Variants in ZNF366 observed in about 807,000 individuals in gnomAD.
ZNF366 encodes the protein zinc finger protein 366, also known as dendritic cell-specific transcript protein.
A neutral mutation model predicts 47.2 loss-of-function variants in ZNF366; 20 were observed. That is an observed-to-expected ratio of 0.42 (90% confidence interval 0.30 to 0.62). The LOEUF (loss-of-function observed/expected upper bound fraction) is 0.62. Ranked by LOEUF, ZNF366 falls within the 20% of genes least tolerant of loss-of-function variation. The pLI, the probability that ZNF366 is intolerant of heterozygous loss-of-function variation, is 0.16. For missense variants in ZNF366, 987 were observed against 976.3 expected (o/e 1.01, Z -0.15); for synonymous variants, 421 against 395.1 (o/e 1.07, Z -0.78).
intron 1 of ZNF366, among the ~76,000 whole-genome samples, chr5:72,498,177 A>G (rs1744148594): frequency 1.3e-5 from 2 of 152,188 alleles, no homozygotes; most frequent in Admixed American, 1.3e-4. Context: ...AAGACTTTTT[A>G]AAGCAAAATT....
chr5:72,485,387 G>A (rs959150179), intron 1 of ZNF366, among the ~76,000 whole-genome samples: 5 of 152,170 alleles, frequency 3.3e-5, no homozygotes, highest in African/African-American at 9.7e-5. Flanking sequence ...CTCTAGCTGT[G>A]TCCCTTCCTT....
chr5:72,457,713 A>G (rs1170040411), intron 2 of ZNF366, among the ~76,000 whole-genome samples: 1 of 152,210 alleles, frequency 6.6e-6, no homozygotes, highest in African/African-American at 2.4e-5. Context: ...GTAAAACCTT[A>G]GATGAGTCGT....
intron 3 of ZNF366, among the ~76,000 whole-genome samples, chr5:72,448,320 A>C (rs183574780): frequency 1.1e-3 from 167 of 152,306 alleles, no homozygotes; most frequent in African/African-American, 3.8e-3. Context: ...TATTTCAATC[A>C]AAGTGCAAAT....
intron 1 of ZNF366, among the ~76,000 whole-genome samples, chr5:72,483,827 G>A (rs1743834790): frequency 6.6e-6 from 1 of 152,146 alleles, no homozygotes; most frequent in Admixed American, 6.5e-5. Flanking sequence ...TAAGAATCAT[G>A]TGCTCCTGGC....
chr5:72,459,400 C>T (rs867435237), intron 2 of ZNF366, among the ~76,000 whole-genome samples: 49 of 152,170 alleles, frequency 3.2e-4, no homozygotes, highest in African/African-American at 1.2e-3. Flanking sequence ...GGTAAGATTT[C>T]AGGAACACCA....
At chr5:72,452,845 G>C (rs1207525880) in intron 3 of ZNF366, among the ~76,000 whole-genome samples, 1 of 152,180 alleles carries the variant, frequency 6.6e-6, no homozygotes, top group Non-Finnish European at 1.5e-5. Flanking sequence ...CCACTACAAG[G>C]ATAGGCTCCA....
chr5:72,468,717 A>T (rs1289308971), intron 1 of ZNF366, among the ~76,000 whole-genome samples: 1 of 152,210 alleles, frequency 6.6e-6, no homozygotes, highest in Non-Finnish European at 1.5e-5. Flanking sequence ...TAAGTGCTGA[A>T]TACCTAGGCC....
intron 1 of ZNF366, among the ~76,000 whole-genome samples, chr5:72,501,853 T>A (rs1370692699): frequency 6.6e-6 from 1 of 152,322 alleles, no homozygotes; most frequent in East Asian, 1.9e-4. Flanking sequence ...ATCTATCTGA[T>A]AAATGTTAAT....
At chr5:72,489,997 A>C (rs1743972964) in intron 1 of ZNF366, among the ~76,000 whole-genome samples, 1 of 152,242 alleles carries the variant, frequency 6.6e-6, no homozygotes, top group African/African-American at 2.4e-5. Flanking sequence ...AGGGAGCTGC[A>C]GTCCTTGATC....
At chr5:72,463,692 C>T (rs13164111) in intron 1 of ZNF366, among the ~76,000 whole-genome samples, 25,930 of 152,128 alleles carry the variant, frequency 0.17, 2,427 homozygotes, top group East Asian at 0.41. Flanking sequence ...AAATGAGAGT[C>T]GTGCTGCGCT....
At chr5:72,479,542 C>T (rs1743744738) in intron 1 of ZNF366, among the ~76,000 whole-genome samples, 2 of 151,614 alleles carry the variant, frequency 1.3e-5, no homozygotes, top group African/African-American at 4.9e-5. Flanking sequence ...TGTTATTGAA[C>T]ATCTAAAAGC....
chr5:72,484,041 C>A (rs951425665), intron 1 of ZNF366, among the ~76,000 whole-genome samples: 1 of 152,206 alleles, frequency 6.6e-6, no homozygotes, highest in African/African-American at 2.4e-5. Context: ...ATACCTCACT[C>A]ACTTTCCCCA....
chr5:72,507,202 A>G (rs779214604), intron 1 of ZNF366, 49 bp downstream of exon 1: 33 of 985,176 alleles, frequency 3.3e-5, no homozygotes, highest in Non-Finnish European at 4.0e-5. Flanking sequence ...AGCAGTATCC[A>G]CCCAGGAACC....
intron 1 of ZNF366, among the ~76,000 whole-genome samples, chr5:72,471,049 C>T (rs572278718): frequency 2.6e-5 from 4 of 152,324 alleles, no homozygotes; most frequent in African/African-American, 9.6e-5. Flanking sequence ...GAGTAAAACA[C>T]ACCCACATTC....
At chr5:72,495,558 T>C (rs1744096120) in intron 1 of ZNF366, among the ~76,000 whole-genome samples, 1 of 152,124 alleles carries the variant, frequency 6.6e-6, no homozygotes, top group African/African-American at 2.4e-5. Flanking sequence ...CAAGAGAACA[T>C]GGTCCCAATA....
At chr5:72,502,564 A>G (rs1744229677) in intron 1 of ZNF366, among the ~76,000 whole-genome samples, 1 of 152,222 alleles carries the variant, frequency 6.6e-6, no homozygotes, top group Non-Finnish European at 1.5e-5. Flanking sequence ...GAAGCATACA[A>G]TATGACCTGT....
intron 4 of ZNF366, 51 bp downstream of exon 4, chr5:72,447,192 C>A (rs1211145036): frequency 2.3e-5 from 36 of 1,598,556 alleles, no homozygotes; most frequent in Non-Finnish European, 2.9e-5. Context: ...ATTCAGCTCC[C>A]ATTTGTTGTC....
intron 1 of ZNF366, among the ~76,000 whole-genome samples, chr5:72,473,226 T>C (rs1380678730): frequency 6.6e-6 from 1 of 152,216 alleles, no homozygotes; most frequent in Non-Finnish European, 1.5e-5. Flanking sequence ...GCAGCCATAT[T>C]GGAACAATGA....
At chr5:72,481,601 T>A (rs1447462876) in intron 1 of ZNF366, among the ~76,000 whole-genome samples, 1 of 152,248 alleles carries the variant, frequency 6.6e-6, no homozygotes. Context: ...ATTGCTAAAT[T>A]GTTTTCCCAA....
Sources: gnomAD v4.1 joint callset for allele counts (sites outside exome capture counted in the v4.1 genomes callset) on GRCh38, gnomAD v4.1.1 for gene constraint, MANE v1.5 for transcripts, NCBI Gene and HGNC (gene_info 2026-07-23, HGNC 2026-07-21) for gene names.